SRGAP1: variants seen among roughly 807,000 people sequenced by gnomAD.
SRGAP1 encodes SLIT-ROBO Rho GTPase-activating protein 1.
Under a neutral mutation model 121.9 loss-of-function variants are expected in SRGAP1, and 43 were observed. That is an observed-to-expected ratio of 0.35 (90% CI 0.28 to 0.46). SRGAP1 has a LOEUF of 0.46. Ranked by LOEUF, SRGAP1 falls within the 20% of genes least tolerant of loss-of-function variation. SRGAP1 has a pLI of 1.00. For missense variants in SRGAP1, 1,102 were observed against 1,350.9 expected, an observed-to-expected ratio of 0.82 and a Z score of 2.89; for synonymous variants, 447 against 485.4, an observed-to-expected ratio of 0.92 and a Z score of 1.04.
At chr12:64,063,292 G>A (rs1372587731) in intron 7 of SRGAP1, among the ~76,000 whole-genome samples, 154 bp downstream of exon 7, 1 of 152,114 alleles carries the variant, frequency 6.6e-6, no homozygotes, top group African/African-American at 2.4e-5. Flanking sequence ...AGTCGCTACC[G>A]CCTTTTAAAG....
intron 21 of SRGAP1, 143 bp from the exon 22 acceptor site, chr12:64,142,152 T>C (rs537032708): frequency 2.5e-6 from 2 of 791,440 alleles, no homozygotes; most frequent in East Asian, 2.5e-5. Context: ...GATGGCATAA[T>C]GTTTACATAT....
intron 6 of SRGAP1, among the ~76,000 whole-genome samples, chr12:64,045,579 G>A (rs2035113592): frequency 6.6e-6 from 1 of 151,972 alleles, no homozygotes; most frequent in Admixed American, 6.6e-5. Flanking sequence ...GGAATTACAG[G>A]CGTGCGCAAC....
intron 4 of SRGAP1, among the ~76,000 whole-genome samples, chr12:64,027,236 C>G (rs1398340781): frequency 1.3e-5 from 2 of 152,110 alleles, no homozygotes; most frequent in African/African-American, 4.8e-5. Context: ...AAGTACCTTG[C>G]CCAAGGTCAC....
intron 1 of SRGAP1, among the ~76,000 whole-genome samples, chr12:63,938,050 G>C (rs1458941704): frequency 6.6e-6 from 1 of 152,218 alleles, no homozygotes; most frequent in Non-Finnish European, 1.5e-5. Flanking sequence ...ACTAAGCCAT[G>C]TGTAACAGTC....
At chr12:64,103,119 A>G (rs1274881316) in intron 15 of SRGAP1, among the ~76,000 whole-genome samples, 2 of 152,080 alleles carry the variant, frequency 1.3e-5, no homozygotes, top group Non-Finnish European at 1.5e-5. Context: ...AGCTGGGACC[A>G]CAGGCGTGCA....
chr12:64,028,204 C>CT (rs1381246702), intron 4 of SRGAP1, among the ~76,000 whole-genome samples: 3 of 152,240 alleles, frequency 2.0e-5, no homozygotes, highest in Non-Finnish European at 4.4e-5. Context: ...TGGTTAATAT[C>CT]TATTCCATGC....
intron 3 of SRGAP1, among the ~76,000 whole-genome samples, chr12:64,009,042 A>G (rs953745099): frequency 6.6e-6 from 1 of 152,134 alleles, no homozygotes. Flanking sequence ...AAAGAAGGCC[A>G]GTTGGCTTTA....
chr12:64,007,838 T>A (rs1048297894), intron 3 of SRGAP1, among the ~76,000 whole-genome samples: 1 of 152,202 alleles, frequency 6.6e-6, no homozygotes, highest in Non-Finnish European at 1.5e-5. Flanking sequence ...GAAGGGACTT[T>A]ATCTTCCTTA....
chr12:64,159,505 G>A lies in SRGAP1; in HGVS notation c.*16833G>A, dbSNP rs2037194963. The A allele has an allele frequency of 6.4e-6, 1 of 155,236 alleles. No individual in the cohort carries two copies. Among genetic ancestry groups the A allele is most frequent in the Admixed American group, 6.5e-5 (1 of 15,312 alleles). 9.6% of individuals were successfully genotyped at this position (155,236 alleles called of 1,614,324 possible). ...CAAACAAACAGTAGCTGGTTGTGGTGGTGTGTGACTGTGATCCCAGCTACT... is the reference window on the plus strand; with the variant it reads ...CAAACAAACAGTAGCTGGTTGTGGTAGTGTGTGACTGTGATCCCAGCTACT... On this transcript the variant is annotated 3_prime_UTR_variant, in exon 22 of 22. Transcript: ENST00000355086.
chr12:64,034,976 G>C (rs1016973303), intron 4 of SRGAP1, among the ~76,000 whole-genome samples: 1 of 151,528 alleles, frequency 6.6e-6, no homozygotes, highest in Non-Finnish European at 1.5e-5. Flanking sequence ...GTTTATCATT[G>C]TAACAGTCCT....
rs1257731251 is a variant in SRGAP1, at chr12:64,118,956, C to T, written c.2224+3063C>T. Among the ~76,000 whole-genome samples the T allele has an allele frequency of 2.0e-5, 3 of 152,108 alleles. 1 individual carries two copies. The highest frequency in any genetic ancestry group is 4.4e-5 in the Non-Finnish European group (3 of 68,026). On this transcript the variant is annotated intron_variant, in intron 18 of 21. Transcript: ENST00000355086. Reference sequence around the variant, plus strand: ...TCCTGACCTCAAGTGATCCGCCCACCTCACCCTCCAAAAGTGATGGGATAA... The same window carrying T: ...TCCTGACCTCAAGTGATCCGCCCACTTCACCCTCCAAAAGTGATGGGATAA...
chr12:64,126,410 A>G, intron 19 of SRGAP1, among the ~76,000 whole-genome samples: 1 of 152,236 alleles, frequency 6.6e-6, no homozygotes, highest in East Asian at 1.9e-4. Flanking sequence ...ACCTATGCAT[A>G]GAATGGTGTT....
At chr12:64,137,958 AAAAAT>A (rs1378208118) in intron 21 of SRGAP1, among the ~76,000 whole-genome samples, 2 of 137,702 alleles carry the variant, frequency 1.5e-5, no homozygotes, top group African/African-American at 5.5e-5. Flanking sequence ...TGCTTAAAAA[AAAAAT>A]ATATATATAT....
At chr12:64,091,141 G>T in intron 11 of SRGAP1, 135 bp from the exon 12 acceptor site, 2 of 469,202 alleles carry the variant, frequency 4.3e-6, no homozygotes, top group Non-Finnish European at 7.3e-6. Context: ...AAATGGGAGG[G>T]AATGTTTTCC....
intron 10 of SRGAP1, 112 bp from the exon 11 acceptor site, chr12:64,086,886 GT>G: frequency 1.4e-6 from 1 of 738,482 alleles, no homozygotes; most frequent in Non-Finnish European, 2.3e-6. Flanking sequence ...ATAAAAACGT[GT>G]AAGTTATTAC....
chr12:64,049,936 T>C (rs904087606), intron 6 of SRGAP1, among the ~76,000 whole-genome samples: 2 of 152,184 alleles, frequency 1.3e-5, no homozygotes, highest in African/African-American at 2.4e-5. Flanking sequence ...AAGAGTATTA[T>C]TGGTATTTCA....
intron 1 of SRGAP1, among the ~76,000 whole-genome samples, chr12:63,943,125 T>C (rs920507770): frequency 6.6e-6 from 1 of 151,574 alleles, no homozygotes; most frequent in African/African-American, 2.4e-5. Context: ...AGAAACAGTA[T>C]TTTTTTTTCT....
intron 1 of SRGAP1, among the ~76,000 whole-genome samples, chr12:63,926,643 T>A (rs1565953501): frequency 6.6e-6 from 1 of 152,224 alleles, no homozygotes; most frequent in Non-Finnish European, 1.5e-5. Context: ...TGTGGAATGA[T>A]TAAATAAAGT....
intron 1 of SRGAP1, among the ~76,000 whole-genome samples, chr12:63,911,415 A>C (rs1210142139): frequency 6.6e-6 from 1 of 152,098 alleles, no homozygotes; most frequent in Non-Finnish European, 1.5e-5. Flanking sequence ...ATGTGCTGGC[A>C]ACATCTTAGT....
Sources: gnomAD v4.1 joint callset for allele counts (sites outside exome capture counted in the v4.1 genomes callset) on GRCh38, gnomAD v4.1.1 for gene constraint, MANE v1.5 for transcripts, NCBI Gene and HGNC (gene_info 2026-07-23, HGNC 2026-07-21) for gene names.